Variants in TIA1 observed in about 807,000 individuals in gnomAD.
The protein encoded by TIA1 is TIA1 cytotoxic granule associated RNA binding protein.
Under a neutral mutation model 65.9 loss-of-function variants are expected in TIA1, and 23 were observed. The ratio of observed to expected loss-of-function variants is 0.35; its 90% confidence interval spans 0.25 to 0.49. The LOEUF (loss-of-function observed/expected upper bound fraction) is 0.49. Among genes scored for constraint, TIA1 ranks in the 20% least tolerant of loss-of-function variants. The probability of loss-of-function intolerance (pLI) is 0.98; values close to 1 mark genes in which losing one functional copy is unlikely to be tolerated. For missense variants in TIA1, 371 were observed against 477.9 expected, an observed-to-expected ratio of 0.78 and a Z score of 2.09; for synonymous variants, 147 against 149.4, an observed-to-expected ratio of 0.98 and a Z score of 0.12.
intron 6 of TIA1, chr2:70,225,232 A>T (rs1683306181): frequency 9.1e-7 from 1 of 1,102,284 alleles, no homozygotes; most frequent in Admixed American, 4.9e-5. Context: ...AAGATTTTAC[A>T]CTGAATTTTA....
At chr2:70,216,643 TTA>T in intron 8 of TIA1, 144 bp from the exon 9 acceptor site, 13 of 1,340,560 alleles carry the variant, frequency 9.7e-6, no homozygotes, top group Non-Finnish European at 1.3e-5. Flanking sequence ...CAGTTCAGAA[TTA>T]AACCTCCCCC....
chr2:70,248,363 A>G (rs769645283), intron 1 of TIA1, 42 bp downstream of exon 1: 37 of 1,590,998 alleles, frequency 2.3e-5, no homozygotes, highest in Middle Eastern at 1.7e-4. Flanking sequence ...TCCCTCCGGG[A>G]CGACCACCAT....
chr2:70,238,993 C>A (rs1012068057), intron 1 of TIA1, among the ~76,000 whole-genome samples: 35 of 152,168 alleles, frequency 2.3e-4, no homozygotes, highest in Non-Finnish European at 4.4e-5. Flanking sequence ...CACTTGAACC[C>A]AGGAGTTAAG....
chr2:70,237,659 T>C (rs910354992), intron 1 of TIA1, among the ~76,000 whole-genome samples: 3 of 150,260 alleles, frequency 2.0e-5, no homozygotes, highest in Non-Finnish European at 3.0e-5. Flanking sequence ...GAGGCAGGAG[T>C]TTGATACCAG....
At chr2:70,235,610 T>C (rs776376470) in intron 2 of TIA1, among the ~76,000 whole-genome samples, 1 of 151,350 alleles carries the variant, frequency 6.6e-6, no homozygotes, top group Non-Finnish European at 1.5e-5. Context: ...TAAATAGGAA[T>C]TGCCTAAATA....
chr2:70,217,945 G>C (rs1436302936), intron 7 of TIA1, among the ~76,000 whole-genome samples: 1 of 152,148 alleles, frequency 6.6e-6, no homozygotes, highest in Non-Finnish European at 1.5e-5. Context: ...AATCTAACAA[G>C]CTTGTTAACA....
chr2:70,245,741 A>G (rs1694000689), intron 1 of TIA1, among the ~76,000 whole-genome samples: 1 of 152,174 alleles, frequency 6.6e-6, no homozygotes, highest in East Asian at 1.9e-4. Context: ...TATTGGTGAC[A>G]AGAAATCAAA....
Position 70,214,229 on chromosome 2 carries a change from G to A in TIA1, c.1034+120C>T, listed in dbSNP as rs72841145. 80,299 of 1,094,068 alleles carry A rather than the reference G, an allele frequency of 0.073. 3,371 individuals carry two copies. The highest frequency in any genetic ancestry group is 0.18 in the East Asian group (6,896 of 38,564). 67.8% of individuals were successfully genotyped at this position (1,094,068 alleles called of 1,614,324 possible). A position where few individuals can be genotyped will look rare whatever the true frequency, so the allele number is the denominator to read the frequency against. ...AAAAACAATTTTAAGTTCTTTCAAG[G>A]CTATAGTTACGCTTTACATAAGAGG... On this transcript the variant is annotated intron_variant, in intron 12 of 12. Coordinates refer to ENST00000433529, the MANE Select transcript of TIA1 (RefSeq NM_022173.4).
intron 1 of TIA1, among the ~76,000 whole-genome samples, chr2:70,241,063 C>T (rs917006932): frequency 6.6e-6 from 1 of 152,156 alleles, no homozygotes; most frequent in African/African-American, 2.4e-5. Context: ...AAGATCCACC[C>T]ATGGAAGCTC....
rs1186898684 is a variant in TIA1 at position 70,210,801 on chromosome 2, T to C, written c.*1918A>G. 2 of 152,194 alleles carry C rather than the reference T, an allele frequency of 1.3e-5. No individual in the cohort carries two copies. Among genetic ancestry groups the C allele is most frequent in the African/African-American group, 4.8e-5 (2 of 41,454 alleles). The allele number at this position is 152,194 out of a possible 1,614,324, so 9.4% of individuals were successfully genotyped here. On this transcript the variant is annotated 3_prime_UTR_variant, in exon 13 of 13. Coordinates refer to ENST00000433529, the MANE Select transcript of TIA1 (RefSeq NM_022173.4). ...GCTTTTGGTTGCATGCCCTGATCTG[T>C]AGAAGTTAACAAGGAAATAAAATTT...
intron 12 of TIA1, 90 bp from the exon 13 acceptor site, chr2:70,212,935 G>A: frequency 2.5e-6 from 2 of 785,356 alleles, no homozygotes; most frequent in East Asian, 2.5e-5. Flanking sequence ...GAACAAATAT[G>A]GGAAATGGGA....
rs1008852822 is a variant in TIA1 at position 70,215,315 on chromosome 2, C to T, written c.888+56G>A. On this transcript the variant is annotated intron_variant, in intron 11 of 12. Coordinates refer to ENST00000433529, the MANE Select transcript of TIA1 (RefSeq NM_022173.4). ...AACAAGGATTATCAACAATCTTCAC[C>T]TTAAAATAACATTATTAGCCCAACA... is the stretch of plus-strand genomic sequence containing the variant. 4.4e-6 allele frequency: 7 copies of T among 1,605,410 alleles called. No homozygotes were observed. In the African/African-American group the frequency reaches 8.0e-5, roughly 18 times the overall value.
chr2:70,222,544 C>T (rs1038518518), intron 7 of TIA1, among the ~76,000 whole-genome samples: 3 of 152,158 alleles, frequency 2.0e-5, no homozygotes, highest in African/African-American at 7.2e-5. Context: ...CACTGCGTAA[C>T]AGAGCCAAGC....
rs117838655 is a variant in TIA1 at position 70,238,625 on chromosome 2, C to T, written c.27-2450G>A. Among the ~76,000 whole-genome samples the T allele has an allele frequency of 9.9e-5, 15 of 152,070 alleles. No homozygotes were observed. The East Asian group carries it at 1.9e-3, about 20-fold the overall frequency. On this transcript the variant is annotated intron_variant, in intron 1 of 12. Coordinates refer to ENST00000433529, the MANE Select transcript of TIA1 (RefSeq NM_022173.4). Reference sequence around the variant, plus strand: ...TGAATGCTTACAGTGGGATGAGAAACCTTCCATTTAACATTACTGATCAGT... The same window carrying T: ...TGAATGCTTACAGTGGGATGAGAAATCTTCCATTTAACATTACTGATCAGT...
rs11380260 is a variant in TIA1 at position 70,242,494 on chromosome 2, C to CAAAAAA, written c.26+5905_26+5910dup. Among the ~76,000 whole-genome samples, 100 of 33,464 alleles carry CAAAAAA rather than the reference C, an allele frequency of 3.0e-3. 17 individuals carry two copies. Among genetic ancestry groups the CAAAAAA allele is most frequent in the African/African-American group, 0.013 (95 of 7,046 alleles). The allele number at this position is 33,464 out of a possible 152,430, so 22.0% of individuals were successfully genotyped here. ...AGCCTGAGTGACAGAGACTCAGTCT[C>CAAAAAA]AAAAAAAAAAAAAAAAAAAAAAAAA... On this transcript the variant is annotated intron_variant, in intron 1 of 12. Coordinates refer to ENST00000433529, the MANE Select transcript of TIA1 (RefSeq NM_022173.4).
At chr2:70,218,698 G>T (rs1430860662) in intron 7 of TIA1, among the ~76,000 whole-genome samples, 1 of 152,220 alleles carries the variant, frequency 6.6e-6, no homozygotes, top group African/African-American at 2.4e-5. Flanking sequence ...TTCCCAAAGT[G>T]CTGGGATTAC....
At chr2:70,218,620 A>G (rs933531786) in intron 7 of TIA1, among the ~76,000 whole-genome samples, 2 of 152,028 alleles carry the variant, frequency 1.3e-5, no homozygotes, top group African/African-American at 4.8e-5. Flanking sequence ...TTTTTAGTAG[A>G]GACAGGGTTT....
At chr2:70,248,651 C>G (rs537921774), upstream of TIA1, 168 of 627,744 alleles carry the variant, frequency 2.7e-4, no homozygotes, top group African/African-American at 2.5e-3. Flanking sequence ...TAGGAGCAGC[C>G]AGCAAAGTTA....
At chr2:70,222,706 G>A (rs1371532466) in intron 7 of TIA1, among the ~76,000 whole-genome samples, 1 of 152,208 alleles carries the variant, frequency 6.6e-6, no homozygotes, top group African/African-American at 2.4e-5. Context: ...ACAAGGTCAG[G>A]AGTTTGAGAC....
Sources: allele counts gnomAD v4.1 joint callset (sites outside exome capture counted in the v4.1 genomes callset), GRCh38; gene constraint gnomAD v4.1.1; transcripts MANE v1.5; gene names NCBI Gene and HGNC (gene_info 2026-07-23, HGNC 2026-07-21).